Variants in SLC6A16 observed in about 807,000 individuals in gnomAD.
SLC6A16 encodes the protein orphan sodium- and chloride-dependent neurotransmitter transporter NTT5.
SLC6A16 carries 54 observed loss-of-function variants against 65.4 expected under a neutral mutation model. That is an observed-to-expected ratio of 0.83 (90% CI 0.66 to 1.04). The LOEUF (loss-of-function observed/expected upper bound fraction) is 1.04, where lower values mean the gene tolerates loss of function less well. Among genes scored for constraint, SLC6A16 ranks in the 50% least tolerant of loss-of-function variants. SLC6A16 has a pLI of 0.00. For missense variants in SLC6A16, 816 were observed against 914.0 expected (o/e 0.89, Z 1.38); for synonymous variants, 330 against 346.5 (o/e 0.95, Z 0.53).
intron 7 of SLC6A16, among the ~76,000 whole-genome samples, chr19:49,307,498 T>C (rs1301191104): frequency 6.6e-6 from 1 of 151,928 alleles, no homozygotes; most frequent in Admixed American, 6.6e-5. Flanking sequence ...TTCCCAGGCA[T>C]CTTCTAGAAG....
chr19:49,313,015 G>A lies in SLC6A16; in HGVS notation c.-64-1604C>T, dbSNP rs571213952. On this transcript the variant is annotated intron_variant, in intron 1 of 11. Coordinates refer to ENST00000335875, the MANE Select transcript of SLC6A16 (RefSeq NM_014037.3). Reference sequence around the variant, plus strand: ...GGAGGATCGTTTGAACACAGGAGGCGGAGGTTGCAATGAGCCGAGATCGCA... The same window carrying A: ...GGAGGATCGTTTGAACACAGGAGGCAGAGGTTGCAATGAGCCGAGATCGCA... Among the ~76,000 whole-genome samples, 25 of 146,128 alleles carry A rather than the reference G, an allele frequency of 1.7e-4. No homozygotes were observed. In the South Asian group the frequency reaches 4.0e-3, roughly 24 times the overall value.
At chr19:49,295,367 G>A (rs1455528097) in intron 7 of SLC6A16, among the ~76,000 whole-genome samples, 1 of 105,394 alleles carries the variant, frequency 9.5e-6, no homozygotes, top group Non-Finnish European at 1.9e-5. Flanking sequence ...GCGACAGCGA[G>A]ACTCCATTTC....
chr19:49,329,990 G>T (rs745305944), upstream of SLC6A16, among the ~76,000 whole-genome samples: 1 of 151,956 alleles, frequency 6.6e-6, no homozygotes, highest in African/African-American at 2.4e-5. Flanking sequence ...GTGGTGGCAC[G>T]CATCTGTTGT....
the SLC6A16 span, chr19:49,336,557 C>A: frequency 9.9e-6 from 2 of 201,174 alleles, no homozygotes; most frequent in Non-Finnish European, 2.0e-5. Flanking sequence ...GGCTCCAACT[C>A]AAAAAAAAAC....
the SLC6A16 span, chr19:49,339,460 T>C: frequency 1.3e-5 from 20 of 1,578,926 alleles, no homozygotes; most frequent in Admixed American, 3.2e-4. This position sits in a 1 kb window ranked among gnomAD's most constrained non-coding sequence, Gnocchi z 4.5. Flanking sequence ...AATCCCTAGA[T>C]GGCCCTGCCC....
the SLC6A16 span, chr19:49,337,881 TG>T: frequency 6.6e-7 from 1 of 1,505,346 alleles, no homozygotes; most frequent in South Asian, 1.1e-5. Context: ...GGGGGAGGGG[TG>T]GGGCGGGGAA....
chr19:49,309,615 C>G (rs1970468997), intron 5 of SLC6A16, 36 bp downstream of exon 5: 1 of 1,585,724 alleles, frequency 6.3e-7, no homozygotes, highest in Non-Finnish European at 8.7e-7. Flanking sequence ...GCTAAAGCAT[C>G]TGAGAATTTC....
chr19:49,339,728 C>T, the SLC6A16 span: 3 of 1,399,240 alleles, frequency 2.1e-6, no homozygotes, highest in East Asian at 2.7e-5. This position sits in a 1 kb window ranked among gnomAD's most constrained non-coding sequence, Gnocchi z 4.5. Context: ...CCGCACGTGC[C>T]GGGCGCTGGG....
chr19:49,339,017 T>C, the SLC6A16 span: 2 of 1,129,768 alleles, frequency 1.8e-6, no homozygotes, highest in Admixed American at 1.8e-5. This position sits in a 1 kb window ranked among gnomAD's most constrained non-coding sequence, Gnocchi z 4.5. Context: ...AGTAGCGGCC[T>C]GAGAAAGGGC....
In SLC6A16 at chr19:49,293,353, C is replaced by T. The variant is rs374589467; in HGVS notation, c.1648G>A (p.Gly550Ser). The part of the protein sequence containing the change: ...VGVFLLMFVC[G>S]LFFTRPSGSY... The stretch of plus-strand genomic sequence containing the variant: ...CCTGAAGGTCGAGTGAAGAAGAGGC[C>T]GCACACGAACATGAGCAAAAAGACT... Residue 550 changes from glycine (G) to serine (S), a missense_variant, in exon 10 of 12, where the codon GGC becomes AGC. Physicochemically the swap from Gly to Ser is moderately conservative, Grantham distance 56. Transcript: ENST00000335875. 4.4e-5 allele frequency: 71 copies of T among 1,613,910 alleles called. No homozygotes were observed. Among genetic ancestry groups the T allele is most frequent in the Non-Finnish European group, 5.3e-5 (63 of 1,180,016 alleles).
At chr19:49,318,866 C>CTCTT (rs1316916400) in intron 1 of SLC6A16, among the ~76,000 whole-genome samples, 1 of 81,962 alleles carries the variant, frequency 1.2e-5, no homozygotes, top group Non-Finnish European at 2.4e-5. Flanking sequence ...CCACAACTGG[C>CTCTT]TATTTTTTTT....
intron 7 of SLC6A16, among the ~76,000 whole-genome samples, chr19:49,298,277 T>C (rs1333662682): frequency 6.6e-6 from 1 of 152,166 alleles, no homozygotes; most frequent in African/African-American, 2.4e-5. Context: ...CCAATTAAAC[T>C]GAAGAGCTTC....
At chr19:49,309,276 G>T (rs376372987) in intron 6 of SLC6A16, 25 bp downstream of exon 6, 1 of 1,589,100 alleles carries the variant, frequency 6.3e-7, no homozygotes, top group Non-Finnish European at 8.6e-7. Flanking sequence ...AAGGCCTGAC[G>T]GGGGAGTGAG....
At chr19:49,338,748 A>G in the SLC6A16 span, 1 of 1,613,284 alleles carries the variant, frequency 6.2e-7, no homozygotes, top group Non-Finnish European at 8.5e-7. The surrounding 1 kb of genome is among the most constrained non-coding windows in gnomAD (Gnocchi z 5.0). Flanking sequence ...CCAAGTCCTC[A>G]TCCTGAGAGG....
the SLC6A16 span, among the ~76,000 whole-genome samples, chr19:49,339,141 G>A: frequency 6.6e-6 from 1 of 152,228 alleles, no homozygotes; most frequent in South Asian, 2.1e-4. This position sits in a 1 kb window ranked among gnomAD's most constrained non-coding sequence, Gnocchi z 4.5. Context: ...CTGGAATACA[G>A]ATGTCTAGGG....
chr19:49,299,072 C>T (rs1027228316), intron 7 of SLC6A16, among the ~76,000 whole-genome samples: 2 of 151,760 alleles, frequency 1.3e-5, no homozygotes, highest in African/African-American at 4.8e-5. Flanking sequence ...GGTGAAACCC[C>T]GTCTCTACTA....
rs529063015 is a variant in SLC6A16, at chr19:49,316,165, T to A, written c.-64-4754A>T. Among the ~76,000 whole-genome samples, 544 of 152,270 alleles carry A rather than the reference T, an allele frequency of 3.6e-3. 4 individuals carry two copies. Among genetic ancestry groups the A allele is most frequent in the Non-Finnish European group, 3.5e-3 (235 of 68,022 alleles). On this transcript the variant is annotated intron_variant, in intron 1 of 11. Transcript: ENST00000335875. ...ATTAGAAAATAAAATTTTAAAATAA[T>A]AATGCCACTTATAAAATAATTTTTT...
At chr19:49,338,830 T>C in the SLC6A16 span, 1 of 1,614,104 alleles carries the variant, frequency 6.2e-7, no homozygotes, top group Non-Finnish European at 8.5e-7. The surrounding 1 kb of genome is among the most constrained non-coding windows in gnomAD (Gnocchi z 5.0). Context: ...TCCACAATCC[T>C]AGATAAGGTG....
At position 49,313,072 on chromosome 19, in the gene SLC6A16, C is replaced by CAAAAAAAAAAAAA. The variant is rs5828385; in HGVS notation, c.-64-1674_-64-1662dup. 2.9e-3 allele frequency among the ~76,000 whole-genome samples: 280 copies of CAAAAAAAAAAAAA among 95,766 alleles called. 21 individuals are homozygous for CAAAAAAAAAAAAA. Among genetic ancestry groups the CAAAAAAAAAAAAA allele is most frequent in the African/African-American group, 0.014 (257 of 18,966 alleles). The allele number at this position is 95,766 out of a possible 152,430, so 62.8% of individuals were successfully genotyped here. A position where few individuals can be genotyped will look rare whatever the true frequency, so the allele number is the denominator to read the frequency against. On this transcript the variant is annotated intron_variant, in intron 1 of 11. Coordinates refer to ENST00000335875, the MANE Select transcript of SLC6A16 (RefSeq NM_014037.3). ...CACTCCAGCCTGGGCAACCCTGTCT[C>CAAAAAAAAAAAAA]AAAAAAAAAAAAAAAAAAAAAAAGA...
Sources: gnomAD v4.1 joint callset for allele counts (sites outside exome capture counted in the v4.1 genomes callset) on GRCh38, gnomAD v4.1.1 for gene constraint, Gnocchi (gnomAD v3.1) non-coding constraint, MANE v1.5 for transcripts, NCBI Gene and HGNC (gene_info 2026-07-23, HGNC 2026-07-21) for gene names.